COBL: variants seen among roughly 807,000 people sequenced by gnomAD.
COBL encodes the protein protein cordon-bleu.
Under a neutral mutation model 98.8 loss-of-function variants are expected in COBL, and 51 were observed. The ratio of observed to expected loss-of-function variants is 0.52; its 90% CI spans 0.41 to 0.65. The LOEUF (loss-of-function observed/expected upper bound fraction) is 0.65, where lower values mean the gene tolerates loss of function less well. Ranked by LOEUF, COBL falls within the 30% of genes least tolerant of loss-of-function variation. COBL has a pLI of 0.00. For missense variants in COBL, 1,617 were observed against 1,617.5 expected (o/e 1.00, Z 0.01); for synonymous variants, 634 against 651.7 (o/e 0.97, Z 0.41).
intron 2 of COBL, among the ~76,000 whole-genome samples, chr7:51,207,674 C>T (rs1365982617): frequency 5.9e-5 from 9 of 152,234 alleles, no homozygotes; most frequent in East Asian, 1.9e-4. Context: ...GCGAGTGATC[C>T]GCCAGCCTCG....
rs542138008 is a variant in COBL, at chr7:51,207,446, T to C, written c.245+12295A>G. Among the ~76,000 whole-genome samples the C allele has an allele frequency of 3.3e-5, 5 of 152,256 alleles. No homozygotes were observed. The South Asian group carries it at 1.0e-3, about 32-fold the overall frequency. On this transcript the variant is annotated intron_variant, in intron 2 of 12. Coordinates refer to ENST00000265136, the MANE Select transcript of COBL (RefSeq NM_015198.5). ...TCGCACTTGCCCCATGGTCTCCCTC[T>C]CCCTCTCTTTCCACGGTCTCCCTCT...
chr7:51,227,929 G>A (rs1262599377), intron 1 of COBL, among the ~76,000 whole-genome samples: 4 of 152,154 alleles, frequency 2.6e-5, no homozygotes, highest in African/African-American at 4.8e-5. Flanking sequence ...TGAAATATGT[G>A]TCTATGAAAC....
At chr7:51,246,981 G>T (rs1796320848) in intron 1 of COBL, among the ~76,000 whole-genome samples, 2 of 152,168 alleles carry the variant, frequency 1.3e-5, no homozygotes. Flanking sequence ...AGTCACCATA[G>T]CCAACACAGA....
intron 5 of COBL, among the ~76,000 whole-genome samples, chr7:51,145,291 T>G (rs946112312): frequency 1.4e-4 from 21 of 150,542 alleles, no homozygotes; most frequent in Non-Finnish European, 1.5e-5. Flanking sequence ...GCTGGGATCA[T>G]AGGTGTGAGC....
intron 6 of COBL, among the ~76,000 whole-genome samples, chr7:51,103,953 G>A (rs1048129747): frequency 2.6e-5 from 4 of 152,210 alleles, no homozygotes; most frequent in Admixed American, 1.3e-4. Context: ...CCACTTTGCA[G>A]CGCCTGCCTA....
chr7:51,030,623 C>A (rs1425813334), intron 9 of COBL, among the ~76,000 whole-genome samples, 189 bp downstream of exon 9: 1 of 152,178 alleles, frequency 6.6e-6, no homozygotes, highest in East Asian at 1.9e-4. Flanking sequence ...TGCTTGGCAG[C>A]CCAGATAAAA....
chr7:51,017,540 C>T lies in COBL; in HGVS notation c.*11G>A. ...CAGGTGGGTTTCTGCAATTCTCTGG[C>T]CTCTGTTCATTCACACGAGCAAGGG... On this transcript the variant is annotated 3_prime_UTR_variant, in exon 13 of 13. Transcript: ENST00000265136. The T allele has an allele frequency of 1.9e-6, 3 of 1,613,970 alleles. No individual in the cohort carries two copies. The highest frequency in any genetic ancestry group is 2.5e-6 in the Non-Finnish European group (3 of 1,179,848).
chr7:51,023,864 C>T (rs931377441), intron 12 of COBL, among the ~76,000 whole-genome samples: 3 of 152,142 alleles, frequency 2.0e-5, no homozygotes, highest in Admixed American at 2.0e-4. Context: ...CAAACTGATC[C>T]GTGTCTAAGT....
At chr7:51,273,549 C>A (rs921529641) in intron 1 of COBL, among the ~76,000 whole-genome samples, 1 of 152,020 alleles carries the variant, frequency 6.6e-6, no homozygotes, top group Non-Finnish European at 1.5e-5. Context: ...GGGAATGAAG[C>A]CTTGAAGCTG....
chr7:51,252,600 T>A (rs1796823663), intron 1 of COBL, among the ~76,000 whole-genome samples: 13 of 152,188 alleles, frequency 8.5e-5, no homozygotes, highest in Admixed American at 8.5e-4. Context: ...TTCAACTGTT[T>A]CTTCATAATT....
intron 2 of COBL, among the ~76,000 whole-genome samples, chr7:51,202,403 T>G (rs537876142): frequency 6.6e-6 from 1 of 152,332 alleles, no homozygotes; most frequent in African/African-American, 2.4e-5. Flanking sequence ...TATTTTTAAA[T>G]TGATTCATTG....
chr7:51,088,559 T>C (rs1418133249), intron 6 of COBL, among the ~76,000 whole-genome samples: 1 of 152,194 alleles, frequency 6.6e-6, no homozygotes, highest in African/African-American at 2.4e-5. Context: ...CATTTTAATT[T>C]CCATTTTCTT....
At chr7:51,073,083 T>C (rs1046659900) in intron 7 of COBL, 3 of 349,716 alleles carry the variant, frequency 8.6e-6, no homozygotes, top group African/African-American at 4.2e-5. Flanking sequence ...CACAGGAACA[T>C]TTCCAAGTAT....
At chr7:51,166,005 C>T (rs985706110) in intron 5 of COBL, among the ~76,000 whole-genome samples, 1 of 151,446 alleles carries the variant, frequency 6.6e-6, no homozygotes, top group Admixed American at 6.6e-5. Flanking sequence ...ATGCCTATGT[C>T]AAAAAAGAAG....
intron 1 of COBL, among the ~76,000 whole-genome samples, chr7:51,226,073 G>A (rs933007526): frequency 6.6e-6 from 1 of 152,196 alleles, no homozygotes; most frequent in African/African-American, 2.4e-5. Context: ...CTGTGGACCT[G>A]AAGGTATAAC....
chr7:51,187,082 G>C (rs1262735036), intron 4 of COBL, among the ~76,000 whole-genome samples: 1 of 152,076 alleles, frequency 6.6e-6, no homozygotes, highest in African/African-American at 2.4e-5. Flanking sequence ...TTTACTTTCT[G>C]AAGCATTACA....
At chr7:51,177,393 T>C (rs1311269353) in intron 5 of COBL, among the ~76,000 whole-genome samples, 1 of 152,148 alleles carries the variant, frequency 6.6e-6, no homozygotes, top group Non-Finnish European at 1.5e-5. Context: ...AACATTGAAA[T>C]TAATATATGT....
intron 1 of COBL, among the ~76,000 whole-genome samples, chr7:51,225,723 G>T (rs1794113153): frequency 6.6e-6 from 1 of 152,318 alleles, no homozygotes; most frequent in African/African-American, 2.4e-5. Flanking sequence ...GTTTCAGGAT[G>T]ACGCTTGTTA....
chr7:51,061,946 TAG>T (rs1255912842), intron 7 of COBL, among the ~76,000 whole-genome samples: 10 of 96,128 alleles, frequency 1.0e-4, no homozygotes, highest in African/African-American at 2.5e-4. Context: ...CTCCCCACCA[TAG>T]ATACACACAC....
Sources: allele counts gnomAD v4.1 joint callset (sites outside exome capture counted in the v4.1 genomes callset), GRCh38; gene constraint gnomAD v4.1.1; transcripts MANE v1.5; gene names NCBI Gene and HGNC (gene_info 2026-07-23, HGNC 2026-07-21).